Variants in MYO6 observed in about 807,000 individuals in gnomAD.
MYO6 encodes unconventional myosin-VI.
In MYO6, 74 loss-of-function variants were observed where a neutral mutation model predicts 178.7. The ratio of observed to expected loss-of-function variants is 0.41; its 90% CI spans 0.34 to 0.50. The LOEUF is 0.50. MYO6 is among the 20% of genes least tolerant of loss of function. MYO6 has a pLI of 0.09. For missense variants in MYO6, 1,330 were observed against 1,547.4 expected, an observed-to-expected ratio of 0.86 and a Z score of 2.36; for synonymous variants, 477 against 504.6, an observed-to-expected ratio of 0.95 and a Z score of 0.73.
At chr6:75,825,469 G>A (rs752629780) in intron 3 of MYO6, among the ~76,000 whole-genome samples, 1 of 152,000 alleles carries the variant, frequency 6.6e-6, no homozygotes. Flanking sequence ...GGTGGGCGCC[G>A]GTAATCCCAA....
At chr6:75,770,361 T>A (rs1403207143) in intron 1 of MYO6, among the ~76,000 whole-genome samples, 1 of 152,184 alleles carries the variant, frequency 6.6e-6, no homozygotes, top group African/African-American at 2.4e-5. Context: ...AAAGAGAAAT[T>A]CCGTAATGAG....
intron 11 of MYO6, among the ~76,000 whole-genome samples, chr6:75,849,513 C>G (rs1374245888): frequency 1.3e-5 from 2 of 152,072 alleles, no homozygotes; most frequent in African/African-American, 2.4e-5. Flanking sequence ...CAGCCAGTAC[C>G]TAGTGTAATG....
intron 1 of MYO6, among the ~76,000 whole-genome samples, chr6:75,754,449 G>C (rs1425667962): frequency 7.2e-6 from 1 of 139,788 alleles, no homozygotes; most frequent in Non-Finnish European, 1.5e-5. Flanking sequence ...GAACCTGGCA[G>C]GTGGAAGTTG....
intron 3 of MYO6, among the ~76,000 whole-genome samples, chr6:75,827,832 C>G (rs2150203276): frequency 6.6e-6 from 1 of 152,182 alleles, no homozygotes; most frequent in East Asian, 1.9e-4. Context: ...ATTTCAGTGA[C>G]AGAGAAAATG....
chr6:75,873,263 T>G lies in MYO6; in HGVS notation c.2040T>G (p.Phe680Leu). The part of the protein sequence containing the change: ...KPNLKMTSHH[F>L]EGAQILSQLQ... Reference sequence around the variant, plus strand: ...ACTTAAAGATGACAAGCCACCACTTTGAAGGTGCTCAAATTCTGTCTCAGC... The same window carrying G: ...ACTTAAAGATGACAAGCCACCACTTGGAAGGTGCTCAAATTCTGTCTCAGC... Residue 680 changes from phenylalanine (F) to leucine (L), a missense_variant, in exon 20 of 35, where the codon TTT (phenylalanine) becomes TTG (leucine). Physicochemically the swap from Phe to Leu is conservative, Grantham distance 22. This residue lies in a region of MYO6 where 613 missense variants were observed against 816.8 expected (regional missense o/e 0.75). Transcript: ENST00000369977. 2.5e-6 allele frequency: 4 copies of G among 1,614,096 alleles called. No individual in the cohort carries two copies. The highest frequency in any genetic ancestry group is 3.4e-6 in the Non-Finnish European group (4 of 1,179,966).
intron 1 of MYO6, among the ~76,000 whole-genome samples, chr6:75,753,615 C>T (rs1025064496): frequency 6.6e-6 from 1 of 151,938 alleles, no homozygotes; most frequent in Non-Finnish European, 1.5e-5. Flanking sequence ...GTGTATGTCA[C>T]CATGCCTGGC....
At chr6:75,869,727 C>T (rs1185365936) in intron 18 of MYO6, among the ~76,000 whole-genome samples, 1 of 152,062 alleles carries the variant, frequency 6.6e-6, no homozygotes, top group Non-Finnish European at 1.5e-5. Flanking sequence ...GTTATAAAAA[C>T]AAGAAAGCAT....
intron 3 of MYO6, among the ~76,000 whole-genome samples, chr6:75,823,268 TC>T (rs1772093235): frequency 6.6e-6 from 1 of 152,190 alleles, no homozygotes; most frequent in Non-Finnish European, 1.5e-5. Flanking sequence ...TTAAAAAAAT[TC>T]TATATAATTA....
intron 20 of MYO6, among the ~76,000 whole-genome samples, chr6:75,878,783 C>T (rs553152862): frequency 3.1e-4 from 47 of 152,172 alleles, no homozygotes; most frequent in African/African-American, 9.6e-4. Flanking sequence ...TTACTTTCTC[C>T]GTTGATTTGA....
At chr6:75,804,377 G>A (rs910409126) in intron 1 of MYO6, among the ~76,000 whole-genome samples, 4 of 152,162 alleles carry the variant, frequency 2.6e-5, no homozygotes, top group Admixed American at 6.5e-5. Context: ...GAGGTGAGAG[G>A]AGTTGCCGGT....
Position 75,817,522 on chromosome 6 carries a change from A to G in MYO6, c.-26A>G, listed in dbSNP as rs779963326. Reference sequence around the variant, plus strand: ...ACAGGTGACAGTGGATAGTGGAAACAGGAGATCGTGGATCCTCCTTCAAAA... The same window carrying G: ...ACAGGTGACAGTGGATAGTGGAAACGGGAGATCGTGGATCCTCCTTCAAAA... On this transcript the variant is annotated 5_prime_UTR_variant, in exon 2 of 35. Coordinates refer to ENST00000369977, the MANE Select transcript of MYO6 (RefSeq NM_004999.4). 1.3e-6 allele frequency: 2 copies of G among 1,576,420 alleles called. No individual in the cohort carries two copies. Among genetic ancestry groups the G allele is most frequent in the Non-Finnish European group, 1.7e-6 (2 of 1,145,618 alleles).
chr6:75,823,877 G>A (rs1772162576), intron 3 of MYO6, among the ~76,000 whole-genome samples: 2 of 152,226 alleles, frequency 1.3e-5, no homozygotes, highest in Non-Finnish European at 2.9e-5. Flanking sequence ...GCTTTGCACA[G>A]CATCTAATGA....
intron 1 of MYO6, among the ~76,000 whole-genome samples, chr6:75,787,363 G>C (rs1767672739): frequency 6.6e-6 from 1 of 152,014 alleles, no homozygotes; most frequent in South Asian, 2.1e-4. Context: ...CAAATCAACA[G>C]ATAAGCAAAT....
chr6:75,866,762 C>A, intron 17 of MYO6, 141 bp downstream of exon 17: 1 of 1,046,842 alleles, frequency 9.6e-7, no homozygotes, highest in Non-Finnish European at 1.5e-6. Flanking sequence ...TTCCTCAGTA[C>A]ACTAGCCACA....
intron 16 of MYO6, among the ~76,000 whole-genome samples, chr6:75,864,081 C>T (rs762971396): frequency 1.6e-4 from 25 of 152,040 alleles, no homozygotes; most frequent in Non-Finnish European, 3.1e-4. Flanking sequence ...ACAACAACAA[C>T]AACAACAACA....
At chr6:75,884,814 C>G (rs575217405) in intron 23 of MYO6, among the ~76,000 whole-genome samples, 17 of 152,174 alleles carry the variant, frequency 1.1e-4, no homozygotes, top group African/African-American at 3.9e-4. Context: ...ATTGGAAGGT[C>G]TGCAAAATAT....
intron 1 of MYO6, among the ~76,000 whole-genome samples, chr6:75,804,280 T>C (rs1003515319): frequency 6.6e-6 from 1 of 152,244 alleles, no homozygotes; most frequent in African/African-American, 2.4e-5. Context: ...CAAAACTTAC[T>C]AGCCACAGCC....
At chr6:75,903,816 C>G (rs550821913) in intron 30 of MYO6, among the ~76,000 whole-genome samples, 254 of 151,744 alleles carry the variant, frequency 1.7e-3, no homozygotes, top group African/African-American at 5.9e-3. Context: ...CAGTTTCTTC[C>G]TAGTCTCGAT....
chr6:75,895,333 A>G, intron 29 of MYO6, 73 bp downstream of exon 29: 1 of 1,162,132 alleles, frequency 8.6e-7, no homozygotes, highest in Non-Finnish European at 1.3e-6. Flanking sequence ...TCATTGGAGT[A>G]AATTTTAAAT....
Sources: gnomAD v4.1 joint callset for allele counts (sites outside exome capture counted in the v4.1 genomes callset) on GRCh38, gnomAD v4.1.1 for gene constraint, gnomAD v4.1.1 regional missense constraint, MANE v1.5 for transcripts, NCBI Gene and HGNC (gene_info 2026-07-23, HGNC 2026-07-21) for gene names.